Variants in FHIT observed in about 807,000 individuals in gnomAD.
FHIT encodes fragile histidine triad diadenosine triphosphatase, also known as bis(5'-adenosyl)-triphosphatase.
A neutral mutation model predicts 17.9 loss-of-function variants in FHIT; 19 were observed. That is an observed-to-expected ratio of 1.06 (90% CI 0.74 to 1.56). The LOEUF is 1.56. Ranked by LOEUF, FHIT falls within the 40% of genes most tolerant of loss-of-function variation. The pLI, the probability that FHIT is intolerant of heterozygous loss-of-function variation, is 0.00. For synonymous variants in FHIT, 81 were observed against 69.7 expected (o/e 1.16, Z -0.81); for missense variants, 248 against 189.2 (o/e 1.31, Z -1.82).
chr3:60,600,150 C>T (rs547637536), intron 4 of FHIT, among the ~76,000 whole-genome samples: 17 of 152,226 alleles, frequency 1.1e-4, no homozygotes, highest in African/African-American at 3.9e-4. Context: ...AATCTCATGG[C>T]CATGGCCTTC....
At chr3:60,030,235 T>C (rs900694575) in intron 5 of FHIT, among the ~76,000 whole-genome samples, 1 of 152,222 alleles carries the variant, frequency 6.6e-6, no homozygotes, top group East Asian at 1.9e-4. Context: ...ATGTTCTATA[T>C]TCCATATGGA....
In FHIT at chr3:60,454,538, C is replaced by T. The variant is rs190854578; in HGVS notation, c.103+82322G>A. Among the ~76,000 whole-genome samples, 51 of 152,088 alleles carry T rather than the reference C, an allele frequency of 3.4e-4. No homozygotes were observed. The East Asian group carries it at 9.9e-3, about 30-fold the overall frequency. The stretch of plus-strand genomic sequence containing the variant: ...TAGCTGGGACTACAGGCACCTGCCA[C>T]CACACCCGGCTAATTTTTGGTATTT... On this transcript the variant is annotated intron_variant, in intron 5 of 9. Transcript: ENST00000492590.
intron 3 of FHIT, among the ~76,000 whole-genome samples, chr3:60,837,713 A>G (rs1219444764): frequency 6.6e-6 from 1 of 152,042 alleles, no homozygotes; most frequent in Admixed American, 6.6e-5. Context: ...CTTATAAGCT[A>G]TTTGAACACT....
intron 4 of FHIT, among the ~76,000 whole-genome samples, chr3:60,790,311 A>G (rs1214790012): frequency 6.6e-6 from 1 of 152,228 alleles, no homozygotes; most frequent in African/African-American, 2.4e-5. Context: ...GGACATGAAA[A>G]TAGTCAAAAT....
intron 2 of FHIT, among the ~76,000 whole-genome samples, chr3:61,185,330 G>A (rs531335316): frequency 6.6e-6 from 1 of 152,164 alleles, no homozygotes; most frequent in African/African-American, 2.4e-5. Flanking sequence ...TTCCTTACAG[G>A]GATGCTCAAG....
chr3:60,490,216 CCAAGA>C (rs1053859958), intron 5 of FHIT, among the ~76,000 whole-genome samples: 1 of 151,636 alleles, frequency 6.6e-6, no homozygotes, highest in Non-Finnish European at 1.5e-5. Flanking sequence ...GTTTATAAAG[CCAAGA>C]CAAGGGTGAT....
chr3:60,006,569 C>A (rs1387860506), intron 7 of FHIT, among the ~76,000 whole-genome samples: 1 of 151,950 alleles, frequency 6.6e-6, no homozygotes, highest in Non-Finnish European at 1.5e-5. Context: ...CCTAGCCAAT[C>A]TCTGCTACAT....
At chr3:60,610,084 T>C (rs1334382563) in intron 4 of FHIT, among the ~76,000 whole-genome samples, 1 of 152,194 alleles carries the variant, frequency 6.6e-6, no homozygotes, top group Non-Finnish European at 1.5e-5. Flanking sequence ...ACATTATTAT[T>C]ATATTTATGC....
chr3:60,732,514 A>G, intron 4 of FHIT: 1 of 665,456 alleles, frequency 1.5e-6, no homozygotes, highest in Non-Finnish European at 2.9e-6. Context: ...CTTTCTTTCC[A>G]GCGCTCAGAG....
chr3:60,978,012 C>G (rs542211535), intron 3 of FHIT, among the ~76,000 whole-genome samples: 1 of 152,284 alleles, frequency 6.6e-6, no homozygotes, highest in South Asian at 2.1e-4. Flanking sequence ...ATTCTTTTCT[C>G]ACTTCATTGT....
chr3:60,906,009 T>C (rs1419919794), intron 3 of FHIT, among the ~76,000 whole-genome samples: 1 of 152,250 alleles, frequency 6.6e-6, no homozygotes, highest in African/African-American at 2.4e-5. Flanking sequence ...AAAGGATTTA[T>C]AAAGCAAAAC....
chr3:60,585,061 C>T (rs1443774076), intron 4 of FHIT, among the ~76,000 whole-genome samples: 3 of 151,946 alleles, frequency 2.0e-5, no homozygotes, highest in African/African-American at 7.2e-5. Flanking sequence ...CCCTCTACTT[C>T]TGCAAGATTA....
intron 4 of FHIT, among the ~76,000 whole-genome samples, chr3:60,624,901 T>A (rs1467595934): frequency 6.7e-6 from 1 of 149,674 alleles, no homozygotes; most frequent in Non-Finnish European, 1.5e-5. Context: ...TCTAGTTTTT[T>A]TTTTTGTTTG....
At chr3:59,764,903 CACACACACACACACACAG>C (rs1369461589) in intron 8 of FHIT, among the ~76,000 whole-genome samples, 3 of 50,754 alleles carry the variant, frequency 5.9e-5, no homozygotes, top group Admixed American at 1.7e-4. Context: ...CACACACACA[CACACACACACACACACAG>C]CTTTGGCACA....
intron 5 of FHIT, among the ~76,000 whole-genome samples, chr3:60,037,004 A>G (rs1701244505): frequency 6.6e-6 from 1 of 152,208 alleles, no homozygotes; most frequent in Non-Finnish European, 1.5e-5. Context: ...CCAACATGAG[A>G]AGAAGGAAGA....
intron 3 of FHIT, among the ~76,000 whole-genome samples, chr3:60,955,633 T>TATATATATATATATATACAC (rs1272864632): frequency 1.4e-3 from 57 of 39,360 alleles, no homozygotes; most frequent in South Asian, 3.5e-3. Flanking sequence ...TATATATATA[T>TATATATATATATATATACAC]ACACACACAC....
intron 2 of FHIT, among the ~76,000 whole-genome samples, chr3:61,060,925 G>C (rs2034405820): frequency 6.6e-6 from 1 of 152,148 alleles, no homozygotes; most frequent in Non-Finnish European, 1.5e-5. Flanking sequence ...GGTTTCCTAA[G>C]CATTCTCTAC....
chr3:59,891,111 C>T (rs1448024719), intron 8 of FHIT, among the ~76,000 whole-genome samples: 1 of 152,188 alleles, frequency 6.6e-6, no homozygotes, highest in Non-Finnish European at 1.5e-5. Flanking sequence ...TATGTTCCAG[C>T]CCCTCCAAGG....
intron 1 of FHIT, among the ~76,000 whole-genome samples, chr3:61,209,605 G>A (rs140869401): frequency 1.2e-3 from 188 of 151,908 alleles, no homozygotes; most frequent in African/African-American, 4.0e-3. Context: ...TGATCGCATC[G>A]GCTACTGAGG....
Sources: gnomAD v4.1 joint callset for allele counts (sites outside exome capture counted in the v4.1 genomes callset) on GRCh38, gnomAD v4.1.1 for gene constraint, MANE v1.5 for transcripts, NCBI Gene and HGNC (gene_info 2026-07-23, HGNC 2026-07-21) for gene names.